Variants in C3orf22 observed in about 807,000 individuals in gnomAD.
The protein encoded by C3orf22 is uncharacterized protein C3orf22.
Under a neutral mutation model 10.8 loss-of-function variants are expected in C3orf22, and 7 were observed. That is an observed-to-expected ratio of 0.65 (90% CI 0.37 to 1.22). The LOEUF (loss-of-function observed/expected upper bound fraction) is 1.22, where lower values mean the gene tolerates loss of function less well. C3orf22 is among the 50% of genes most tolerant of loss of function. C3orf22 has a pLI of 0.02. For synonymous variants in C3orf22, 79 were observed against 78.9 expected (o/e 1.00, Z 0.00); for missense variants, 173 against 177.0 (o/e 0.98, Z 0.13).
At chr3:126,542,549 T>C (rs1560144898) in intron 4 of C3orf22, 1 of 1,515,956 alleles carries the variant, frequency 6.6e-7, no homozygotes, top group Admixed American at 2.3e-5. Context: ...TTTCAACTAC[T>C]CCGCCCCCTC....
At position 126,539,724 on chromosome 3, in the gene C3orf22, CCCA is replaced by C. The variant is rs1484328738; in HGVS notation, c.286+9810_286+9812del. Reference sequence around the variant, plus strand: ...CCACACACATATGCCACACACACCCCCCACACCACACACACACCCCACACCACA... The same window carrying C: ...CCACACACATATGCCACACACACCCCCACCACACACACACCCCACACCACA... On this transcript the variant is annotated intron_variant and NMD_transcript_variant, in intron 4 of 5. Transcript: ENST00000505070. 4.2e-3 allele frequency among the ~76,000 whole-genome samples: 492 copies of C among 116,694 alleles called. 6 individuals are homozygous for C. Among genetic ancestry groups the C allele is most frequent in the African/African-American group, 0.015 (452 of 29,746 alleles). The allele number at this position is 116,694 out of a possible 152,430, so 76.6% of individuals were successfully genotyped here.
chr3:126,543,688 ATAAG>A (rs1290658104), intron 4 of C3orf22, among the ~76,000 whole-genome samples: 7 of 152,078 alleles, frequency 4.6e-5, no homozygotes, highest in Admixed American at 2.6e-4. Context: ...GAGAGTGTGC[ATAAG>A]TGAGTATATG....
intron 4 of C3orf22, among the ~76,000 whole-genome samples, chr3:126,538,477 C>A (rs890222646): frequency 1.3e-5 from 2 of 152,248 alleles, no homozygotes; most frequent in Non-Finnish European, 2.9e-5. Context: ...AACCCCCGGA[C>A]CCAGTGCTTC....
chr3:126,550,119 C>A, intron 3 of C3orf22, 41 bp from the exon 4 acceptor site: 1 of 1,606,658 alleles, frequency 6.2e-7, no homozygotes, highest in Non-Finnish European at 8.5e-7. Flanking sequence ...CTTCAGGACC[C>A]CTGCTGGCTG....
In C3orf22 at chr3:126,552,003, A is replaced by C; in HGVS notation, c.209T>G (p.Val70Gly). The part of the protein sequence containing the change: ...KRLVPTRSIP[V>G]RGLGAPDFTS... ...CATCAGGGCAGGGACTTACCCTCGG[A>C]CTGGGATGGACCTCGTTGGCACCAA... Residue 70 changes from valine (V) to glycine (G), a missense_variant, in exon 3 of 4, where the codon GTC becomes GGC. Transcript: ENST00000318225. 6.2e-7 allele frequency: 1 copy of C among 1,609,826 alleles called. No homozygotes were observed. Among genetic ancestry groups the C allele is most frequent in the Non-Finnish European group, 8.5e-7 (1 of 1,177,574 alleles).
At position 126,552,038 on chromosome 3, in the gene C3orf22, C is replaced by T; in HGVS notation, c.174G>A (p.Leu58=). 1.2e-6 allele frequency: 2 copies of T among 1,613,648 alleles called. No homozygotes were observed. The highest frequency in any genetic ancestry group is 1.7e-6 in the Non-Finnish European group (2 of 1,179,790). Residue 58 remains leucine (L), a synonymous_variant, in exon 3 of 4, where the codon CTG becomes CTA. Coordinates refer to ENST00000318225, the MANE Select transcript of C3orf22 (RefSeq NM_152533.3). ...TNDSNTVQLP[L]QKRLVPTRSI... is the part of the protein sequence containing the mutation. The stretch of plus-strand genomic sequence containing the variant: ...ACCTCGTTGGCACCAACCTCTTCTG[C>T]AGGGGCAGCTGCACCGTGTTCGAGT...
chr3:126,531,159 G>A (rs1010008625), intron 4 of C3orf22, among the ~76,000 whole-genome samples: 4 of 152,392 alleles, frequency 2.6e-5, no homozygotes, highest in Admixed American at 6.5e-5. Context: ...ACCAGCAGCC[G>A]CAGCCTCACC....
At chr3:126,546,299 G>T (rs1937066845), downstream of C3orf22, among the ~76,000 whole-genome samples, 1 of 152,224 alleles carries the variant, frequency 6.6e-6, no homozygotes, top group Non-Finnish European at 1.5e-5. Flanking sequence ...TTTTATCCCT[G>T]CATGAAGGAC....
rs1038640486 is a variant in C3orf22 at position 126,540,101 on chromosome 3, G to A, written c.286+9436C>T. ...ACACGCGTGCACCACACACGCACAGGACACACACGCATTCCCACCCCACTG... is the reference window on the plus strand; with the variant it reads ...ACACGCGTGCACCACACACGCACAGAACACACACGCATTCCCACCCCACTG... On this transcript the variant is annotated intron_variant and NMD_transcript_variant, in intron 4 of 5. Transcript: ENST00000505070. Among the ~76,000 whole-genome samples the A allele has an allele frequency of 4.0e-5, 6 of 150,922 alleles. No individual in the cohort carries two copies. The South Asian group carries it at 8.5e-4, about 21-fold the overall frequency.
chr3:126,539,896 A>ACACACCACACC (rs1560142802), intron 4 of C3orf22, among the ~76,000 whole-genome samples: 1 of 2,662 alleles, frequency 3.8e-4, no homozygotes, highest in Non-Finnish European at 6.6e-4. Context: ...CACACCACAC[A>ACACACCACACC]TACACCATAC....
intron 4 of C3orf22, among the ~76,000 whole-genome samples, chr3:126,533,948 G>T (rs1241200641): frequency 2.6e-5 from 4 of 152,098 alleles, no homozygotes; most frequent in African/African-American, 9.7e-5. Flanking sequence ...TCAATTTCAA[G>T]AATTTCTGTC....
chr3:126,542,312 T>A, intron 4 of C3orf22: 1 of 1,568,618 alleles, frequency 6.4e-7, no homozygotes, highest in Non-Finnish European at 8.6e-7. Context: ...GCACGCGCTC[T>A]GCCACCCGTG....
chr3:126,532,708 TCTAA>T (rs1041902114), intron 4 of C3orf22, among the ~76,000 whole-genome samples: 8 of 152,374 alleles, frequency 5.3e-5, no homozygotes, highest in African/African-American at 1.4e-4. Context: ...ATGTGAATCC[TCTAA>T]CTTTGTTCTT....
downstream of C3orf22, among the ~76,000 whole-genome samples, chr3:126,547,798 C>T (rs899227949): frequency 1.1e-4 from 16 of 152,098 alleles, no homozygotes; most frequent in African/African-American, 3.9e-4. Context: ...ACAGTACACC[C>T]CAGGGGACAG....
chr3:126,542,429 C>G (rs781562956), intron 4 of C3orf22: 1 of 1,554,898 alleles, frequency 6.4e-7, no homozygotes, highest in Non-Finnish European at 8.7e-7. Context: ...TGGGCCGCCG[C>G]GGCCCCGGGG....
At chr3:126,558,478 A>T (rs1262731494) in intron 1 of C3orf22, 149 bp downstream of exon 1, 1 of 152,110 alleles carries the variant, frequency 6.6e-6, no homozygotes, top group Non-Finnish European at 1.5e-5. Flanking sequence ...AATCTGCCCC[A>T]CAGGGACAGG....
At chr3:126,541,681 G>C (rs1366061317) in intron 4 of C3orf22, 19 of 1,375,330 alleles carry the variant, frequency 1.4e-5, no homozygotes, top group Non-Finnish European at 1.6e-5. Context: ...CAGAGTCAGG[G>C]AGCCCGCGCT....
chr3:126,546,123 C>T (rs115035387), downstream of C3orf22, among the ~76,000 whole-genome samples: 3 of 152,298 alleles, frequency 2.0e-5, no homozygotes, highest in Admixed American at 6.5e-5. Flanking sequence ...AGTTTTAGGT[C>T]GGGTGCCTCA....
At chr3:126,547,932 CAGT>C (rs1315825814), downstream of C3orf22, among the ~76,000 whole-genome samples, 14 of 152,210 alleles carry the variant, frequency 9.2e-5, no homozygotes, top group African/African-American at 3.4e-4. Flanking sequence ...GGAACTACAG[CAGT>C]AGCATCATCA....
Sources: allele counts gnomAD v4.1 joint callset (sites outside exome capture counted in the v4.1 genomes callset), GRCh38; gene constraint gnomAD v4.1.1; transcripts MANE v1.5; gene names NCBI Gene and HGNC (gene_info 2026-07-23, HGNC 2026-07-21).